Variants in ROR2 observed in about 807,000 individuals in gnomAD.
The protein encoded by ROR2 is tyrosine-protein kinase transmembrane receptor ROR2.
A neutral mutation model predicts 74.9 loss-of-function variants in ROR2; 33 were observed. The ratio of observed to expected loss-of-function variants is 0.44; its 90% CI spans 0.33 to 0.59. The LOEUF is 0.59. ROR2 is among the 20% of genes least tolerant of loss of function. The pLI is 0.02. For missense variants in ROR2, 1,216 were observed against 1,313.8 expected (o/e 0.93, Z 1.15); for synonymous variants, 586 against 558.7 (o/e 1.05, Z -0.69).
intron 1 of ROR2, among the ~76,000 whole-genome samples, chr9:91,859,720 G>A (rs1263229006): frequency 1.3e-5 from 2 of 152,124 alleles, no homozygotes; most frequent in African/African-American, 4.8e-5. Flanking sequence ...AGCTACTTGA[G>A]AGGCTGAGGC....
intron 2 of ROR2, among the ~76,000 whole-genome samples, chr9:91,769,978 C>T (rs34447092): frequency 1.3e-5 from 2 of 152,174 alleles, no homozygotes; most frequent in African/African-American, 4.8e-5. Flanking sequence ...TCCCAGAAAC[C>T]CCCCGTGCCC....
intron 1 of ROR2, among the ~76,000 whole-genome samples, chr9:91,814,094 A>C (rs2119114890): frequency 6.6e-6 from 1 of 152,324 alleles, no homozygotes; most frequent in South Asian, 2.1e-4. Flanking sequence ...AGGCTAAGGC[A>C]AGAGGATCGC....
chr9:91,947,933 C>T (rs1832056604), intron 1 of ROR2, among the ~76,000 whole-genome samples: 1 of 152,050 alleles, frequency 6.6e-6, no homozygotes, highest in African/African-American at 2.4e-5. Flanking sequence ...ATTTTGTTAA[C>T]CTAGCCATAC....
chr9:91,758,663 A>T, intron 2 of ROR2, among the ~76,000 whole-genome samples: 1 of 152,210 alleles, frequency 6.6e-6, no homozygotes, highest in African/African-American at 2.4e-5. Context: ...TAGGAGCTGG[A>T]AACACTGCCC....
At chr9:91,792,305 AT>A (rs1166828840) in intron 1 of ROR2, among the ~76,000 whole-genome samples, 15,084 of 129,622 alleles carry the variant, frequency 0.12, 657 homozygotes, top group South Asian at 0.22. Context: ...AGTTGGTTCT[AT>A]TTTTTTTTTT....
Position 91,723,698 on chromosome 9 carries a change from CAG to C in ROR2, c.2794_2795del (p.Leu932AlafsTer36), listed in dbSNP as rs758362792. 42 of 1,613,964 alleles carry C rather than the reference CAG, an allele frequency of 2.6e-5. 1 individual carries two copies. In the African/African-American group the frequency reaches 4.5e-4, roughly 17 times the overall value. ...GCTGGACTTGGGCCTCGTCCACCTG[CAG>C]AGTGTCACAGTCCCCCAGCAGCTCA... is the stretch of plus-strand genomic sequence containing the variant. The part of the protein sequence containing the change: ...ETELLGDCDT[L>X]QVDEAQVQLE... On this transcript the variant is annotated frameshift_variant, in exon 9 of 9. Transcript: ENST00000375708. LOFTEE classifies it high-confidence loss of function.
intron 1 of ROR2, among the ~76,000 whole-genome samples, chr9:91,890,187 G>A (rs1294841176): frequency 1.3e-5 from 2 of 152,166 alleles, no homozygotes; most frequent in African/African-American, 2.4e-5. Context: ...GAACCAGAGA[G>A]CAGCCCAAAG....
chr9:91,941,282 C>T (rs1256806259), intron 1 of ROR2, among the ~76,000 whole-genome samples: 1 of 152,236 alleles, frequency 6.6e-6, no homozygotes, highest in Non-Finnish European at 1.5e-5. Context: ...CAGGCGTGAG[C>T]CACCGTGCCC....
chr9:91,747,638 A>C (rs777767301), intron 4 of ROR2, among the ~76,000 whole-genome samples: 1 of 152,180 alleles, frequency 6.6e-6, no homozygotes, highest in African/African-American at 2.4e-5. Context: ...TGATTGATAA[A>C]CTGGTCGAGT....
At chr9:91,878,798 C>A (rs1830023426) in intron 1 of ROR2, among the ~76,000 whole-genome samples, 1 of 152,218 alleles carries the variant, frequency 6.6e-6, no homozygotes, top group Admixed American at 6.5e-5. Context: ...AAGACGGGGG[C>A]CGGGCGCAGT....
In ROR2 at chr9:91,723,572, T is replaced by G. The variant is rs1023422000; in HGVS notation, c.*90A>C. Reference sequence around the variant, plus strand: ...CCACTGGCCGGCGGGCTCTTGTGATTGCTGAGTATGGTGTCTTCTCAAAGG... The same window carrying G: ...CCACTGGCCGGCGGGCTCTTGTGATGGCTGAGTATGGTGTCTTCTCAAAGG... On this transcript the variant is annotated 3_prime_UTR_variant, in exon 9 of 9. Transcript: ENST00000375708. The G allele has an allele frequency of 2.6e-6, 4 of 1,540,836 alleles. No homozygotes were observed. The African/African-American group carries it at 5.5e-5, about 21-fold the overall frequency.
At chr9:91,945,566 G>A (rs1008195632) in intron 1 of ROR2, among the ~76,000 whole-genome samples, 1 of 152,198 alleles carries the variant, frequency 6.6e-6, no homozygotes, top group Non-Finnish European at 1.5e-5. Flanking sequence ...GATTTCTAGA[G>A]GACCAAGCTA....
At chr9:91,847,769 T>C (rs1828974049) in intron 1 of ROR2, among the ~76,000 whole-genome samples, 1 of 152,098 alleles carries the variant, frequency 6.6e-6, no homozygotes, top group Non-Finnish European at 1.5e-5. Context: ...AAGACATCCT[T>C]CACGTCTTCG....
intron 1 of ROR2, among the ~76,000 whole-genome samples, chr9:91,903,474 CTTT>C (rs377693295): frequency 8.7e-5 from 13 of 149,600 alleles, no homozygotes; most frequent in Non-Finnish European, 1.5e-4. Flanking sequence ...TTCGTTGTGT[CTTT>C]TTTTTTTCTC....
intron 7 of ROR2, among the ~76,000 whole-genome samples, chr9:91,727,415 T>A (rs533778903): frequency 0.043 from 6,449 of 151,478 alleles, 171 homozygotes; most frequent in Middle Eastern, 0.071. Context: ...TTTTTTTTTT[T>A]AAATCACAGG....
At chr9:91,768,344 A>G (rs1489937017) in intron 2 of ROR2, among the ~76,000 whole-genome samples, 3 of 152,110 alleles carry the variant, frequency 2.0e-5, no homozygotes, top group African/African-American at 7.2e-5. Flanking sequence ...AGAAGGAAGG[A>G]GACAGCCCAA....
chr9:91,766,909 T>G (rs760233326), intron 2 of ROR2, among the ~76,000 whole-genome samples: 1 of 152,174 alleles, frequency 6.6e-6, no homozygotes, highest in Non-Finnish European at 1.5e-5. Flanking sequence ...GGCACAACTT[T>G]AGCAACTGAT....
chr9:91,747,152 C>T (rs980451431), intron 4 of ROR2, among the ~76,000 whole-genome samples: 3 of 152,198 alleles, frequency 2.0e-5, no homozygotes, highest in South Asian at 2.1e-4. Context: ...CCAACACTGC[C>T]GCTGAGTCAG....
At chr9:91,740,205 A>T (rs935065935) in intron 4 of ROR2, among the ~76,000 whole-genome samples, 1 of 152,122 alleles carries the variant, frequency 6.6e-6, no homozygotes, top group Non-Finnish European at 1.5e-5. Context: ...TGCTCCTGCC[A>T]TCATACCCCG....
Sources: gnomAD v4.1 joint callset for allele counts (sites outside exome capture counted in the v4.1 genomes callset) on GRCh38, gnomAD v4.1.1 for gene constraint, MANE v1.5 for transcripts, NCBI Gene and HGNC (gene_info 2026-07-23, HGNC 2026-07-21) for gene names.